Variants in ERG observed in about 807,000 individuals in gnomAD.
ERG encodes the protein transcriptional regulator ERG.
A neutral mutation model predicts 55.3 loss-of-function variants in ERG; 9 were observed. The ratio of observed to expected loss-of-function variants is 0.16; its 90% CI spans 0.10 to 0.28. The LOEUF (loss-of-function observed/expected upper bound fraction) is 0.28, where lower values mean the gene tolerates loss of function less well. Among genes scored for constraint, ERG ranks in the 10% least tolerant of loss-of-function variants. ERG has a pLI of 1.00. For missense variants in ERG, 434 were observed against 631.6 expected, an observed-to-expected ratio of 0.69 and a Z score of 3.35; for synonymous variants, 223 against 237.3, an observed-to-expected ratio of 0.94 and a Z score of 0.55.
intron 7 of ERG, 131 bp downstream of exon 7, chr21:38,392,245 T>C: frequency 1.3e-6 from 1 of 784,906 alleles, no homozygotes; most frequent in Non-Finnish European, 2.2e-6. Flanking sequence ...ATTGTACTCT[T>C]GTCGTCAATG....
At chr21:38,503,686 T>G (rs139620918) in intron 2 of ERG, among the ~76,000 whole-genome samples, 2 of 152,200 alleles carry the variant, frequency 1.3e-5, no homozygotes, top group African/African-American at 4.8e-5. Flanking sequence ...ACACATGAAT[T>G]TAAAATGCAT....
chr21:38,589,343 T>C (rs1294849795), upstream of ERG, among the ~76,000 whole-genome samples: 1 of 152,178 alleles, frequency 6.6e-6, no homozygotes, highest in Non-Finnish European at 1.5e-5. Context: ...AGCAGCCTGC[T>C]TTTTCCATGT....
chr21:38,638,362 T>C (rs958327545), intron 1 of ERG, among the ~76,000 whole-genome samples: 2 of 152,216 alleles, frequency 1.3e-5, no homozygotes, highest in Non-Finnish European at 2.9e-5. Flanking sequence ...TTTGCGTGCA[T>C]CTGGCCCTCC....
At chr21:38,368,730 A>AC in the ERG span, among the ~76,000 whole-genome samples, 1 of 152,262 alleles carries the variant, frequency 6.6e-6, no homozygotes, top group Non-Finnish European at 1.5e-5. Flanking sequence ...TAAGCCTAGT[A>AC]CCCATAAGTT....
chr21:38,455,868 T>TGCCC (rs2058983617), intron 1 of ERG, among the ~76,000 whole-genome samples: 5 of 130,552 alleles, frequency 3.8e-5, no homozygotes, highest in Non-Finnish European at 6.8e-5. Context: ...ATTGGTACGG[T>TGCCC]CCCCCCCCTC....
intron 1 of ERG, among the ~76,000 whole-genome samples, chr21:38,445,861 T>C (rs761221202): frequency 4.6e-5 from 7 of 151,972 alleles, no homozygotes; most frequent in Non-Finnish European, 1.0e-4. Flanking sequence ...GGCTTGACTG[T>C]GGCAGGGCAG....
At chr21:38,570,505 T>C in intron 2 of ERG, among the ~76,000 whole-genome samples, 1 of 152,240 alleles carries the variant, frequency 6.6e-6, no homozygotes, top group East Asian at 1.9e-4. Flanking sequence ...TGATGTTTTA[T>C]CTTTAAGATG....
chr21:38,599,297 G>A (rs1042085886), intron 1 of ERG, among the ~76,000 whole-genome samples: 5 of 151,588 alleles, frequency 3.3e-5, no homozygotes, highest in African/African-American at 1.2e-4. Context: ...GGCTGGAGGT[G>A]TACCAGGGTG....
In ERG at chr21:38,480,631, T is replaced by A. The variant is rs534696804; in HGVS notation, c.18+17732A>T. On this transcript the variant is annotated intron_variant, in intron 1 of 9. Transcript: ENST00000288319. ...TTTTTTTTTGCCTTATAGAGTTAGGTCAATTTCCAAAAGTGCTGGAGTTTA... is the reference window on the plus strand; with the variant it reads ...TTTTTTTTTGCCTTATAGAGTTAGGACAATTTCCAAAAGTGCTGGAGTTTA... Among the ~76,000 whole-genome samples the A allele has an allele frequency of 3.0e-5, 4 of 134,176 alleles. No individual in the cohort carries two copies. In the South Asian group the frequency reaches 9.9e-4, roughly 33 times the overall value. 88.0% of individuals were successfully genotyped at this position (134,176 alleles called of 152,430 possible).
chr21:38,617,378 T>G (rs2146937394), intron 1 of ERG, among the ~76,000 whole-genome samples: 1 of 152,332 alleles, frequency 6.6e-6, no homozygotes, highest in East Asian at 1.9e-4. Flanking sequence ...AATGAGCCCA[T>G]GTGTTCAGCC....
intron 3 of ERG, among the ~76,000 whole-genome samples, chr21:38,419,723 C>A (rs1989450479): frequency 1.3e-5 from 2 of 151,996 alleles, no homozygotes; most frequent in African/African-American, 4.8e-5. Context: ...ATTTATCCTT[C>A]AGGGACATTT....
chr21:38,497,303 T>C (rs879200979), intron 1 of ERG, among the ~76,000 whole-genome samples: 1 of 152,252 alleles, frequency 6.6e-6, no homozygotes, highest in African/African-American at 2.4e-5. Context: ...CATTTTCTTA[T>C]GCACTTTCCA....
Position 38,391,809 on chromosome 21 carries a change from G to A in ERG, c.815-94C>T, listed in dbSNP as rs960517287. On this transcript the variant is annotated intron_variant, in intron 7 of 9. Transcript: ENST00000288319. ...CATAATCATTCTATCAGTTAATTTAGTTATTAACATAATAGTCTAACTCAG... is the reference window on the plus strand; with the variant it reads ...CATAATCATTCTATCAGTTAATTTAATTATTAACATAATAGTCTAACTCAG... 14 of 1,039,676 alleles carry A rather than the reference G, an allele frequency of 1.3e-5. No homozygotes were observed. In the Admixed American group the frequency reaches 2.9e-4, roughly 21 times the overall value. 64.4% of individuals were successfully genotyped at this position (1,039,676 alleles called of 1,614,324 possible). A position where few individuals can be genotyped will look rare whatever the true frequency, so the allele number is the denominator to read the frequency against.
intron 2 of ERG, among the ~76,000 whole-genome samples, chr21:38,425,737 T>C (rs1026761249): frequency 3.9e-5 from 6 of 152,232 alleles, no homozygotes; most frequent in Non-Finnish European, 7.3e-5. Context: ...CCTCCACTTC[T>C]TGTTAGTTGG....
At chr21:38,416,629 G>A (rs150346556) in intron 3 of ERG, among the ~76,000 whole-genome samples, 32 of 152,238 alleles carry the variant, frequency 2.1e-4, no homozygotes, top group East Asian at 1.5e-3. Flanking sequence ...TAGTTCACAC[G>A]GCACCTCAAA....
upstream of ERG, among the ~76,000 whole-genome samples, chr21:38,589,279 G>A (rs2060085698): frequency 6.6e-6 from 1 of 152,196 alleles, no homozygotes; most frequent in Non-Finnish European, 1.5e-5. Flanking sequence ...GCAATGCCAA[G>A]GACAGAGCAG....
chr21:38,465,953 G>A (rs547960096), intron 1 of ERG, among the ~76,000 whole-genome samples: 2 of 152,232 alleles, frequency 1.3e-5, no homozygotes, highest in Non-Finnish European at 2.9e-5. Context: ...GGCTGGAATG[G>A]GGAGGAGCTA....
intron 2 of ERG, among the ~76,000 whole-genome samples, chr21:38,440,455 G>A (rs978001147): frequency 3.9e-5 from 6 of 152,158 alleles, no homozygotes; most frequent in Non-Finnish European, 8.8e-5. Flanking sequence ...GCTGGTTCAC[G>A]GTGTCCAAAA....
chr21:38,532,308 C>T (rs1007201110), intron 2 of ERG, among the ~76,000 whole-genome samples: 1 of 151,556 alleles, frequency 6.6e-6, no homozygotes, highest in African/African-American at 2.4e-5. Flanking sequence ...GATTCCCCAC[C>T]CCCACCCACC....
Sources: allele counts gnomAD v4.1 joint callset (sites outside exome capture counted in the v4.1 genomes callset), GRCh38; gene constraint gnomAD v4.1.1; transcripts MANE v1.5; gene names NCBI Gene and HGNC (gene_info 2026-07-23, HGNC 2026-07-21).